EFCAB5: variants seen among roughly 807,000 people sequenced by gnomAD.
EFCAB5 encodes the protein EF-hand calcium binding domain 5.
A neutral mutation model predicts 167.9 loss-of-function variants in EFCAB5; 131 were observed. The ratio of observed to expected loss-of-function variants is 0.78; its 90% confidence interval spans 0.68 to 0.90. The LOEUF (loss-of-function observed/expected upper bound fraction) is 0.90. Among genes scored for constraint, EFCAB5 ranks in the 40% least tolerant of loss-of-function variants. The pLI is 0.00. For missense variants in EFCAB5, 1,663 were observed against 1,745.2 expected (o/e 0.95, Z 0.84); for synonymous variants, 574 against 602.8 (o/e 0.95, Z 0.70).
intron 4 of EFCAB5, among the ~76,000 whole-genome samples, chr17:29,985,521 G>A (rs2068262855): frequency 6.6e-6 from 1 of 152,176 alleles, no homozygotes; most frequent in Non-Finnish European, 1.5e-5. Flanking sequence ...CGAGAGCCTG[G>A]AACAGAGTTT....
At chr17:30,040,075 G>C (rs1295569451) in intron 8 of EFCAB5, among the ~76,000 whole-genome samples, 1 of 152,184 alleles carries the variant, frequency 6.6e-6, no homozygotes, top group Admixed American at 6.5e-5. Flanking sequence ...TGCACAGTAG[G>C]CCAGAGGCCC....
In EFCAB5 at chr17:30,062,362, A is replaced by C. The variant is rs187100159; in HGVS notation, c.2737+2661A>C. On this transcript the variant is annotated intron_variant, in intron 14 of 22. Coordinates refer to ENST00000394835, the MANE Select transcript of EFCAB5 (RefSeq NM_198529.4). ...CCAGGTCTCCACTACCCCATCCCCCAACCAGGATCAGGTGGGAACTGGGAA... is the reference window on the plus strand; with the variant it reads ...CCAGGTCTCCACTACCCCATCCCCCCACCAGGATCAGGTGGGAACTGGGAA... Among the ~76,000 whole-genome samples the C allele has an allele frequency of 3.3e-5, 5 of 152,288 alleles. No homozygotes were observed. The East Asian group carries it at 9.6e-4, about 29-fold the overall frequency.
At chr17:30,016,771 A>G (rs373945103) in intron 7 of EFCAB5, among the ~76,000 whole-genome samples, 2 of 152,360 alleles carry the variant, frequency 1.3e-5, no homozygotes, top group South Asian at 2.1e-4. Flanking sequence ...TCAAAATCTT[A>G]TATCTAATTT....
At chr17:29,992,194 G>C (rs2068435978) in intron 4 of EFCAB5, among the ~76,000 whole-genome samples, 1 of 152,036 alleles carries the variant, frequency 6.6e-6, no homozygotes, top group Admixed American at 6.6e-5. Flanking sequence ...GTGCTTGTTT[G>C]TTTTATATTG....
intron 4 of EFCAB5, among the ~76,000 whole-genome samples, chr17:29,980,608 A>G (rs2068154953): frequency 6.6e-6 from 1 of 151,950 alleles, no homozygotes; most frequent in Non-Finnish European, 1.5e-5. Context: ...CTGTTTCTCT[A>G]TTTAGTCCTT....
At chr17:29,982,616 A>G (rs944797052) in intron 4 of EFCAB5, among the ~76,000 whole-genome samples, 8 of 152,210 alleles carry the variant, frequency 5.3e-5, no homozygotes, top group Admixed American at 3.9e-4. Context: ...ATCACATTGT[A>G]TAGGACAGAG....
In EFCAB5 at chr17:30,080,966, G is replaced by T; in HGVS notation, c.3411G>T (p.Glu1137Asp). 6.2e-7 allele frequency: 1 copy of T among 1,612,476 alleles called. No homozygotes were observed. The highest frequency in any genetic ancestry group is 8.5e-7 in the Non-Finnish European group (1 of 1,179,662). Reference protein sequence around the residue: ...PHEINIFLPHEIRFYQGVANV... With the variant: ...PHEINIFLPHDIRFYQGVANV... ...AAATAAACATCTTTCTACCTCATGA[G>T]ATCAGATTCTATCAGGTAAGTCATA... Residue 1137 changes from glutamate to aspartate, a missense_variant, in exon 17 of 23, where the codon GAG (glutamate) becomes GAT (aspartate). Coordinates refer to ENST00000394835, the MANE Select transcript of EFCAB5 (RefSeq NM_198529.4).
intron 8 of EFCAB5, among the ~76,000 whole-genome samples, chr17:30,047,813 G>T (rs2069970515): frequency 6.6e-6 from 1 of 152,156 alleles, no homozygotes. Flanking sequence ...CCACAATGGA[G>T]AATCTCAGCC....
At chr17:30,012,514 C>T (rs2068929762) in intron 7 of EFCAB5, among the ~76,000 whole-genome samples, 1 of 152,208 alleles carries the variant, frequency 6.6e-6, no homozygotes, top group Non-Finnish European at 1.5e-5. Flanking sequence ...GGGAAGGGCC[C>T]CCTGTCCAGT....
intron 7 of EFCAB5, among the ~76,000 whole-genome samples, chr17:30,002,518 A>G (rs568687175): frequency 5.3e-5 from 8 of 152,224 alleles, no homozygotes; most frequent in African/African-American, 7.2e-5. Context: ...TTTGCCAATT[A>G]AAACATCATT....
chr17:29,999,491 A>G (rs1391615591), intron 6 of EFCAB5, among the ~76,000 whole-genome samples: 1 of 152,154 alleles, frequency 6.6e-6, no homozygotes, highest in African/African-American at 2.4e-5. Context: ...TTTGTTAACT[A>G]AAAGAACATT....
chr17:29,991,006 T>C (rs2068403339), intron 4 of EFCAB5, among the ~76,000 whole-genome samples: 1 of 152,176 alleles, frequency 6.6e-6, no homozygotes, highest in South Asian at 2.1e-4. Context: ...ACAAACCTGC[T>C]CTGTCACCTC....
chr17:29,963,975 A>G (rs1395472129), intron 3 of EFCAB5, among the ~76,000 whole-genome samples: 2 of 151,938 alleles, frequency 1.3e-5, no homozygotes, highest in African/African-American at 4.8e-5. Flanking sequence ...ACCATGTGAT[A>G]TGCCAGCCCC....
intron 18 of EFCAB5, among the ~76,000 whole-genome samples, chr17:30,085,576 C>CCGGGCGCGGTGG (rs1210446271): frequency 2.0e-5 from 3 of 151,998 alleles, no homozygotes; most frequent in Non-Finnish European, 4.4e-5. Context: ...AAAAAATTAG[C>CCGGGCGCGGTGG]CGGGCGCGGT....
At position 30,057,951 on chromosome 17, in the gene EFCAB5, C is replaced by G. The variant is rs539075680; in HGVS notation, c.2580+61C>G. On this transcript the variant is annotated intron_variant, in intron 13 of 22. Transcript: ENST00000394835. ...TCACTATTATAAGTAAATCTCTCAA[C>G]CTCAGTTGCTCCCGATGTGGCTCGT... The G allele has an allele frequency of 4.8e-6, 7 of 1,464,406 alleles. No individual in the cohort carries two copies. The South Asian group carries it at 8.9e-5, about 19-fold the overall frequency. 90.7% of individuals were successfully genotyped at this position (1,464,406 alleles called of 1,614,324 possible).
At chr17:30,100,327 C>A (rs769378582) in intron 22 of EFCAB5, among the ~76,000 whole-genome samples, 1 of 152,034 alleles carries the variant, frequency 6.6e-6, no homozygotes, top group Non-Finnish European at 1.5e-5. Flanking sequence ...AGAGGATAAG[C>A]AATAAACATA....
At chr17:30,028,945 C>A (rs992201413) in intron 7 of EFCAB5, among the ~76,000 whole-genome samples, 2 of 152,132 alleles carry the variant, frequency 1.3e-5, no homozygotes, top group Non-Finnish European at 1.5e-5. Context: ...TCTTTAAAGA[C>A]CCTATCTCCA....
At chr17:29,989,021 C>T (rs755168458) in intron 4 of EFCAB5, among the ~76,000 whole-genome samples, 1 of 152,184 alleles carries the variant, frequency 6.6e-6, no homozygotes, top group Non-Finnish European at 1.5e-5. Flanking sequence ...AGACTAGAAT[C>T]TCCTCTAAGG....
intron 14 of EFCAB5, among the ~76,000 whole-genome samples, chr17:30,067,299 T>G (rs1190867064): frequency 6.6e-6 from 1 of 151,974 alleles, no homozygotes. Context: ...CAGCAACACA[T>G]TAAAAAGATC....
Sources: gnomAD v4.1 joint callset for allele counts (sites outside exome capture counted in the v4.1 genomes callset) on GRCh38, gnomAD v4.1.1 for gene constraint, MANE v1.5 for transcripts, NCBI Gene and HGNC (gene_info 2026-07-23, HGNC 2026-07-21) for gene names.